Variants in GRID2 observed in about 807,000 individuals in gnomAD.
GRID2 encodes the protein glutamate ionotropic receptor delta type subunit 2, also known as glutamate receptor ionotropic, delta-2.
Under a neutral mutation model 114.8 loss-of-function variants are expected in GRID2, and 33 were observed. The ratio of observed to expected loss-of-function variants is 0.29; its 90% CI spans 0.22 to 0.38. The LOEUF (loss-of-function observed/expected upper bound fraction) is 0.38, where lower values mean the gene tolerates loss of function less well. Among genes scored for constraint, GRID2 ranks in the 10% least tolerant of loss-of-function variants. The probability of loss-of-function intolerance (pLI) is 1.00; values close to 1 mark genes in which losing one functional copy is unlikely to be tolerated. For synonymous variants in GRID2, 505 were observed against 449.9 expected (o/e 1.12, Z -1.55); for missense variants, 1,184 against 1,257.7 (o/e 0.94, Z 0.89).
At chr4:93,078,017 A>G (rs1729487833) in intron 2 of GRID2, among the ~76,000 whole-genome samples, 1 of 152,172 alleles carries the variant, frequency 6.6e-6, no homozygotes, top group Non-Finnish European at 1.5e-5. Flanking sequence ...AATAACAAAA[A>G]GACAAACTCC....
At chr4:93,703,332 T>C (rs1465992434) in intron 14 of GRID2, among the ~76,000 whole-genome samples, 1 of 152,088 alleles carries the variant, frequency 6.6e-6, no homozygotes, top group Non-Finnish European at 1.5e-5. Flanking sequence ...GCATCCAAAG[T>C]GTAATAATCA....
chr4:93,238,540 G>A, intron 8 of GRID2, 50 bp downstream of exon 8: 2 of 1,539,546 alleles, frequency 1.3e-6, no homozygotes, highest in East Asian at 2.4e-5. Context: ...CTATGGTTTT[G>A]CTTGATTGTT....
chr4:93,602,724 G>T (rs972349781), intron 13 of GRID2, among the ~76,000 whole-genome samples: 2 of 152,142 alleles, frequency 1.3e-5, no homozygotes, highest in Non-Finnish European at 2.9e-5. Flanking sequence ...TTGAAATTAG[G>T]CCAATTAATA....
chr4:93,314,303 C>CA (rs56977080), intron 8 of GRID2, among the ~76,000 whole-genome samples: 710 of 54,108 alleles, frequency 0.013, 24 homozygotes, highest in Non-Finnish European at 0.016. Flanking sequence ...GAGTCTGTCT[C>CA]AAAAAAAAAA....
intron 14 of GRID2, among the ~76,000 whole-genome samples, chr4:93,678,223 G>C (rs890289268): frequency 1.3e-5 from 2 of 152,122 alleles, no homozygotes; most frequent in Non-Finnish European, 2.9e-5. Flanking sequence ...GGGAAGTTTA[G>C]AGAAAAAAGA....
intron 8 of GRID2, among the ~76,000 whole-genome samples, chr4:93,336,121 A>G (rs1759063622): frequency 6.6e-6 from 1 of 152,198 alleles, no homozygotes; most frequent in African/African-American, 2.4e-5. Flanking sequence ...ATTTGCCTTA[A>G]TGAAAATAAA....
At chr4:93,631,924 G>A (rs1192850863) in intron 14 of GRID2, among the ~76,000 whole-genome samples, 1 of 152,142 alleles carries the variant, frequency 6.6e-6, no homozygotes, top group Non-Finnish European at 1.5e-5. Flanking sequence ...GCTGTGAGAT[G>A]GTATCTCGTT....
At chr4:93,436,924 G>A (rs1721137994) in intron 10 of GRID2, among the ~76,000 whole-genome samples, 1 of 152,038 alleles carries the variant, frequency 6.6e-6, no homozygotes, top group African/African-American at 2.4e-5. Flanking sequence ...AGAAAGTTAA[G>A]TTTATGAAAT....
At chr4:92,579,984 A>G (rs1728098362) in intron 1 of GRID2, among the ~76,000 whole-genome samples, 1 of 137,970 alleles carries the variant, frequency 7.2e-6, no homozygotes, top group Non-Finnish European at 1.6e-5. Flanking sequence ...ATATATGTAT[A>G]TGTATTTTAC....
intron 14 of GRID2, among the ~76,000 whole-genome samples, chr4:93,711,157 TTTCC>T (rs1728444334): frequency 6.6e-6 from 1 of 152,042 alleles, no homozygotes; most frequent in South Asian, 2.1e-4. Context: ...TTTTCATGGC[TTTCC>T]CACCTGGGAA....
chr4:93,649,610 T>C (rs1578477204), intron 14 of GRID2, among the ~76,000 whole-genome samples: 2 of 152,176 alleles, frequency 1.3e-5, no homozygotes, highest in East Asian at 3.9e-4. Context: ...TCTTGATAAC[T>C]TAAAATCACA....
intron 14 of GRID2, among the ~76,000 whole-genome samples, chr4:93,674,638 TATC>T (rs1261775397): frequency 6.6e-6 from 1 of 151,922 alleles, no homozygotes; most frequent in Non-Finnish European, 1.5e-5. Context: ...TTTCTTTAAA[TATC>T]ATAAGGCCCA....
chr4:93,443,609 G>A (rs112390133), intron 10 of GRID2, among the ~76,000 whole-genome samples: 7 of 151,890 alleles, frequency 4.6e-5, no homozygotes, highest in Non-Finnish European at 7.4e-5. Context: ...TGGCCTCAGC[G>A]AAAGGAAAGT....
chr4:93,236,059 A>C (rs1470289939), intron 7 of GRID2, among the ~76,000 whole-genome samples: 1 of 152,128 alleles, frequency 6.6e-6, no homozygotes, highest in African/African-American at 2.4e-5. Context: ...ATGAACAAGA[A>C]AAACTTGTAT....
intron 4 of GRID2, among the ~76,000 whole-genome samples, chr4:93,155,440 C>T (rs1446969216): frequency 6.6e-6 from 1 of 151,914 alleles, no homozygotes; most frequent in Non-Finnish European, 1.5e-5. Flanking sequence ...TCTGTCTTGA[C>T]TCCTATTTTC....
chr4:92,550,375 A>G (rs1258397102), intron 1 of GRID2, among the ~76,000 whole-genome samples: 2 of 152,192 alleles, frequency 1.3e-5, no homozygotes, highest in African/African-American at 4.8e-5. Context: ...GTATGTTAAG[A>G]ACCATCAACT....
chr4:93,551,836 T>C (rs1485407144), intron 13 of GRID2, among the ~76,000 whole-genome samples: 2 of 152,216 alleles, frequency 1.3e-5, no homozygotes, highest in African/African-American at 2.4e-5. Flanking sequence ...GACACACTGA[T>C]GGCTTACATT....
intron 8 of GRID2, among the ~76,000 whole-genome samples, chr4:93,374,541 A>G (rs1226809707): frequency 3.9e-5 from 6 of 152,256 alleles, no homozygotes; most frequent in African/African-American, 7.2e-5. Flanking sequence ...GCCAGCTGGT[A>G]TCTTATTTTT....
chr4:93,613,392 G>A (rs1236127634), intron 13 of GRID2, among the ~76,000 whole-genome samples: 9,058 of 120,352 alleles, frequency 0.075, 152 homozygotes, highest in Middle Eastern at 0.14. Context: ...GGCGCTCTGC[G>A]TTTTAGAGTT....
Sources: allele counts gnomAD v4.1 joint callset (sites outside exome capture counted in the v4.1 genomes callset), GRCh38; gene constraint gnomAD v4.1.1; transcripts MANE v1.5; gene names NCBI Gene and HGNC (gene_info 2026-07-23, HGNC 2026-07-21).